BNIP2: variants seen among roughly 807,000 people sequenced by gnomAD.
The protein encoded by BNIP2 is BCL2/adenovirus E1B 19 kDa protein-interacting protein 2.
In BNIP2, 36 loss-of-function variants were observed where a neutral mutation model predicts 43.4. That is an observed-to-expected ratio of 0.83 (90% CI 0.64 to 1.10). The LOEUF (loss-of-function observed/expected upper bound fraction) is 1.10. BNIP2 is among the 50% of genes least tolerant of loss of function. BNIP2 has a pLI of 0.00. For synonymous variants in BNIP2, 146 were observed against 121.0 expected, an observed-to-expected ratio of 1.21 and a Z score of -1.35; for missense variants, 417 against 374.1, an observed-to-expected ratio of 1.11 and a Z score of -0.95.
At chr15:59,671,389 T>C (rs1892902588) in intron 6 of BNIP2, 75 bp from the exon 7 acceptor site, 3 of 1,333,894 alleles carry the variant, frequency 2.2e-6, no homozygotes, top group Non-Finnish European at 3.0e-6. Flanking sequence ...AATTGTACCA[T>C]TATACAATTC....
At position 59,663,361 on chromosome 15, in the gene BNIP2, C is replaced by T. The variant is rs1437047596; in HGVS notation, c.*708G>A. On this transcript the variant is annotated 3_prime_UTR_variant, in exon 10 of 10. Transcript: ENST00000607373. ...TCCTACCCTCTTAAATCCTCTAGTT[C>T]TAAGAATGGCTTTTTGACTTGTCTT... 1 of 152,222 alleles carries T rather than the reference C, an allele frequency of 6.6e-6. No individual in the cohort carries two copies. The highest frequency in any genetic ancestry group is 2.4e-5 in the African/African-American group (1 of 41,402). The allele number at this position is 152,222 out of a possible 1,614,324, so 9.4% of individuals were successfully genotyped here.
intron 2 of BNIP2, among the ~76,000 whole-genome samples, chr15:59,681,927 G>T (rs1210687694): frequency 6.6e-6 from 1 of 152,096 alleles, no homozygotes; most frequent in East Asian, 1.9e-4. Flanking sequence ...GATTATAGAA[G>T]ATTATATATA....
chr15:59,678,175 A>G, intron 4 of BNIP2, 88 bp from the exon 5 acceptor site: 1 of 1,443,482 alleles, frequency 6.9e-7, no homozygotes. Context: ...TAGATTTTAC[A>G]GAGAATTTTC....
At chr15:59,685,017 ATT>A (rs1475728699) in intron 1 of BNIP2, among the ~76,000 whole-genome samples, 2 of 152,186 alleles carry the variant, frequency 1.3e-5, no homozygotes, top group African/African-American at 2.4e-5. Context: ...CATGAATAGG[ATT>A]TGTCATGTGT....
intron 7 of BNIP2, among the ~76,000 whole-genome samples, chr15:59,670,122 A>T (rs1386053137): frequency 6.6e-6 from 1 of 152,188 alleles, no homozygotes; most frequent in Admixed American, 6.5e-5. Context: ...GATTACAACT[A>T]AATAAGCACC....
intron 9 of BNIP2, among the ~76,000 whole-genome samples, chr15:59,666,003 A>G (rs1258959938): frequency 2.0e-5 from 3 of 152,176 alleles, no homozygotes; most frequent in Non-Finnish European, 2.9e-5. Flanking sequence ...CATGCAAAAT[A>G]TATCAAATCC....
intron 5 of BNIP2, among the ~76,000 whole-genome samples, chr15:59,675,379 G>C (rs375536281): frequency 6.6e-6 from 1 of 152,020 alleles, no homozygotes; most frequent in Non-Finnish European, 1.5e-5. Context: ...AGGAGGCTGG[G>C]GTGAGCAAAT....
intron 9 of BNIP2, among the ~76,000 whole-genome samples, chr15:59,667,526 A>G (rs1299684637): frequency 1.3e-5 from 2 of 152,214 alleles, no homozygotes; most frequent in Admixed American, 6.5e-5. Flanking sequence ...AATTAAATTT[A>G]AAATAGAAAG....
Position 59,668,886 on chromosome 15 carries a change from A to C in BNIP2, c.893+6T>G. 6.2e-7 allele frequency: 1 copy of C among 1,607,678 alleles called. No homozygotes were observed. The highest frequency in any genetic ancestry group is 1.1e-5 in the South Asian group (1 of 90,116). ...AATACAATTAAGGAAATAAAACAAA[A>C]CATACTGTTTTATGCATTCTGGTAT... On this transcript the variant is annotated splice_donor_region_variant and intron_variant, in intron 9 of 9. Coordinates refer to ENST00000607373, the MANE Select transcript of BNIP2 (RefSeq NM_004330.4).
intron 1 of BNIP2, among the ~76,000 whole-genome samples, chr15:59,685,345 C>CA (rs201661046): frequency 1.6e-3 from 239 of 152,100 alleles, no homozygotes; most frequent in African/African-American, 5.2e-3. Flanking sequence ...ACAAAAAATA[C>CA]AAAAAATCAG....
chr15:59,669,136 C>T (rs1892744162), intron 8 of BNIP2, 140 bp downstream of exon 8: 4 of 1,039,618 alleles, frequency 3.8e-6, no homozygotes. Context: ...GTACTAATCA[C>T]CCAGGTTTGA....
intron 4 of BNIP2, 107 bp downstream of exon 4, chr15:59,679,485 T>C (rs1893513563): frequency 7.8e-7 from 1 of 1,274,988 alleles, no homozygotes; most frequent in Non-Finnish European, 1.1e-6. Context: ...TTAGCACAAT[T>C]TCCTATCTTA....
intron 1 of BNIP2, 91 bp downstream of exon 1, chr15:59,689,044 G>A: frequency 6.9e-7 from 1 of 1,459,390 alleles, no homozygotes; most frequent in South Asian, 1.4e-5. Context: ...CCCGGACGTC[G>A]TGGGCACGCG....
intron 1 of BNIP2, among the ~76,000 whole-genome samples, chr15:59,684,923 G>A (rs763409797): frequency 6.6e-6 from 1 of 152,036 alleles, no homozygotes; most frequent in Non-Finnish European, 1.5e-5. Flanking sequence ...TAAAAATTAA[G>A]TAAATAATAC....
At position 59,676,732 on chromosome 15, in the gene BNIP2, G is replaced by A. The variant is rs1344206970; in HGVS notation, c.472+1179C>T. 5 of 1,209,112 alleles carry A rather than the reference G, an allele frequency of 4.1e-6. No individual in the cohort carries two copies. The Admixed American group carries it at 8.2e-5, about 20-fold the overall frequency. The allele number at this position is 1,209,112 out of a possible 1,614,324, so 74.9% of individuals were successfully genotyped here. A position where few individuals can be genotyped will look rare whatever the true frequency, so the allele number is the denominator to read the frequency against. On this transcript the variant is annotated intron_variant, in intron 5 of 9. Coordinates refer to ENST00000607373, the MANE Select transcript of BNIP2 (RefSeq NM_004330.4). ...GCGCAGTGGAGTGCCGCGCGGTGCG[G>A]TGCGGGCGGCAGAGTTGGGGTGTCA...
chr15:59,673,248 G>A (rs974838673), intron 5 of BNIP2, among the ~76,000 whole-genome samples: 6 of 151,998 alleles, frequency 3.9e-5, no homozygotes, highest in African/African-American at 1.4e-4. Context: ...GAGTAGCTGG[G>A]ATTATAAGCG....
rs1211655918 is a variant in BNIP2 at position 59,667,597 on chromosome 15, T to C, written c.893+1295A>G. Reference sequence around the variant, plus strand: ...TTAGGTATTTTATCACATGTAGAATTTGACTGGTTAGCAAGCCATTTAATT... The same window carrying C: ...TTAGGTATTTTATCACATGTAGAATCTGACTGGTTAGCAAGCCATTTAATT... On this transcript the variant is annotated intron_variant, in intron 9 of 9. Coordinates refer to ENST00000607373, the MANE Select transcript of BNIP2 (RefSeq NM_004330.4). Among the ~76,000 whole-genome samples, 8 of 152,332 alleles carry C rather than the reference T, an allele frequency of 5.3e-5. 1 individual carries two copies. The South Asian group carries it at 1.2e-3, about 24-fold the overall frequency.
chr15:59,678,285 T>A, intron 4 of BNIP2, 198 bp from the exon 5 acceptor site: 1 of 1,301,030 alleles, frequency 7.7e-7, no homozygotes, highest in Non-Finnish European at 9.7e-7. Context: ...TCATGGTTCT[T>A]TAACTTTTAT....
chr15:59,685,702 A>G (rs6151458), intron 1 of BNIP2, among the ~76,000 whole-genome samples: 50,209 of 151,926 alleles, frequency 0.33, 8,647 homozygotes, highest in East Asian at 0.54. Context: ...ACTTGGGGAG[A>G]GAGATATAGA....
Sources: allele counts gnomAD v4.1 joint callset (sites outside exome capture counted in the v4.1 genomes callset), GRCh38; gene constraint gnomAD v4.1.1; transcripts MANE v1.5; gene names NCBI Gene and HGNC (gene_info 2026-07-23, HGNC 2026-07-21).